The following ZBTB20 variants were observed in gnomAD, a reference collection of about 807,000 sequenced individuals.
The protein encoded by ZBTB20 is zinc finger and BTB domain-containing protein 20.
ZBTB20 carries 9 observed loss-of-function variants against 56.9 expected under a neutral mutation model. The observed-to-expected ratio is 0.16, with a 90% CI of 0.10 to 0.28. The LOEUF (loss-of-function observed/expected upper bound fraction) is 0.28. Among genes scored for constraint, ZBTB20 ranks in the 10% least tolerant of loss-of-function variants. The pLI is 1.00. For synonymous variants in ZBTB20, 417 were observed against 420.7 expected (o/e 0.99, Z 0.11); for missense variants, 655 against 1,003.0 (o/e 0.65, Z 4.69).
intron 2 of ZBTB20, among the ~76,000 whole-genome samples, chr3:115,001,597 T>A (rs1265566911): frequency 2.0e-5 from 3 of 151,090 alleles, no homozygotes; most frequent in African/African-American, 7.3e-5. Context: ...TCTCAATATA[T>A]TACCAATTAA....
intron 1 of ZBTB20, among the ~76,000 whole-genome samples, chr3:115,078,595 A>ATTTG: frequency 7.7e-6 from 1 of 130,610 alleles, no homozygotes; most frequent in South Asian, 2.7e-4. Context: ...CAGTAAGAAT[A>ATTTG]TGTGTGTGTG....
At chr3:114,647,628 T>C (rs185237539) in intron 6 of ZBTB20, among the ~76,000 whole-genome samples, 117 of 152,318 alleles carry the variant, frequency 7.7e-4, no homozygotes, top group Middle Eastern at 3.4e-3. Flanking sequence ...TTGAATACAT[T>C]AGCCAACCTC....
At chr3:114,557,976 C>T (rs547352143) in intron 6 of ZBTB20, among the ~76,000 whole-genome samples, 63 of 152,174 alleles carry the variant, frequency 4.1e-4, no homozygotes, top group Admixed American at 1.9e-3. Flanking sequence ...TGGTGACTCA[C>T]TACAGCCCTA....
intron 6 of ZBTB20, among the ~76,000 whole-genome samples, chr3:114,597,043 A>AT (rs1553762645): frequency 5.7e-4 from 84 of 148,260 alleles, no homozygotes; most frequent in South Asian, 4.4e-3. Flanking sequence ...AAATTAAAAA[A>AT]ATATATATAT....
chr3:114,800,188 C>T (rs1030483079), intron 5 of ZBTB20, among the ~76,000 whole-genome samples: 2 of 151,900 alleles, frequency 1.3e-5, no homozygotes, highest in African/African-American at 4.8e-5. Flanking sequence ...ACATTTTGAT[C>T]TAAAATTAAA....
At chr3:114,353,147 C>T (rs1425794839) in intron 10 of ZBTB20, among the ~76,000 whole-genome samples, 1 of 152,184 alleles carries the variant, frequency 6.6e-6, no homozygotes, top group Non-Finnish European at 1.5e-5. Context: ...CCATTCTTGC[C>T]TTTACAACTG....
chr3:114,996,558 T>C (rs1483572699), intron 2 of ZBTB20, among the ~76,000 whole-genome samples: 1 of 152,060 alleles, frequency 6.6e-6, no homozygotes, highest in African/African-American at 2.4e-5. Context: ...TATGGCTGCA[T>C]AGTATTCCAT....
intron 10 of ZBTB20, among the ~76,000 whole-genome samples, chr3:114,375,434 CATCTT>C (rs2108486168): frequency 6.6e-6 from 1 of 152,334 alleles, no homozygotes; most frequent in Non-Finnish European, 1.5e-5. Context: ...GCAAAGCCCT[CATCTT>C]ACCTGATTCC....
intron 5 of ZBTB20, among the ~76,000 whole-genome samples, chr3:114,741,037 C>T (rs75325849): frequency 0.082 from 12,547 of 152,268 alleles, 535 homozygotes; most frequent in Middle Eastern, 0.14. Context: ...GACTCCTTGG[C>T]TTCCTTCTGT....
chr3:114,722,482 T>A (rs564408211), intron 5 of ZBTB20, among the ~76,000 whole-genome samples: 1 of 152,330 alleles, frequency 6.6e-6, no homozygotes, highest in South Asian at 2.1e-4. Context: ...TAAATTATTT[T>A]GAAAGTAAAA....
intron 7 of ZBTB20, among the ~76,000 whole-genome samples, chr3:114,395,122 A>G (rs1175407879): frequency 6.6e-6 from 1 of 152,152 alleles, no homozygotes; most frequent in African/African-American, 2.4e-5. Context: ...AAATTGTTCC[A>G]CTTCCCTCGT....
In ZBTB20 at chr3:114,961,877, A is replaced by G. The variant is rs566316311; in HGVS notation, c.-456+12489T>C. 3.9e-5 allele frequency among the ~76,000 whole-genome samples: 6 copies of G among 152,268 alleles called. No individual in the cohort carries two copies. The South Asian group carries it at 1.2e-3, about 32-fold the overall frequency. On this transcript the variant is annotated intron_variant, in intron 3 of 11. Coordinates refer to ENST00000675478, the MANE Select transcript of ZBTB20 (RefSeq NM_001348800.3). ...AGAATGCTATTGTTATGGTTATTTC[A>G]TAATGTCACGATTGTTACAAGAACA...
chr3:114,707,637 GAC>G lies in ZBTB20; in HGVS notation c.-342-14064_-342-14063del, dbSNP rs1346460967. ...TGACCTATGAGTGTCCCCTGGAGGG[GAC>G]ACAGTGGAAGAAGCGGGAACTAGTA... On this transcript the variant is annotated intron_variant, in intron 5 of 11. Coordinates refer to ENST00000675478, the MANE Select transcript of ZBTB20 (RefSeq NM_001348800.3). Among the ~76,000 whole-genome samples, 6 of 152,260 alleles carry G rather than the reference GAC, an allele frequency of 3.9e-5. No homozygotes were observed. In the East Asian group the frequency reaches 1.2e-3, roughly 29 times the overall value.
At chr3:114,736,166 C>T (rs1443349670) in intron 5 of ZBTB20, among the ~76,000 whole-genome samples, 1 of 152,176 alleles carries the variant, frequency 6.6e-6, no homozygotes. Flanking sequence ...TTAAACTAAA[C>T]TTCAGTTTTC....
At chr3:114,394,470 C>A (rs1044369019) in intron 7 of ZBTB20, among the ~76,000 whole-genome samples, 2 of 152,192 alleles carry the variant, frequency 1.3e-5, no homozygotes, top group African/African-American at 4.8e-5. Context: ...TCTGGGAGCA[C>A]AGACTCCAGG....
At chr3:114,805,197 C>T (rs149472891) in intron 4 of ZBTB20, among the ~76,000 whole-genome samples, 1,754 of 151,970 alleles carry the variant, frequency 0.012, 16 homozygotes, top group South Asian at 0.041. Flanking sequence ...TTAATATTGA[C>T]ACAATACTAT....
chr3:114,364,024 C>T (rs1290557331), intron 10 of ZBTB20, among the ~76,000 whole-genome samples: 1 of 151,682 alleles, frequency 6.6e-6, no homozygotes, highest in East Asian at 1.9e-4. Flanking sequence ...TCATGCCTAG[C>T]CAATTAGCTA....
At position 115,061,012 on chromosome 3, in the gene ZBTB20, G is replaced by A. The variant is rs76853686; in HGVS notation, c.-507+10207C>T. ...TTGTATCCATTATTTTATATCTTCC[G>A]ATTCTCCAAATATGATCATTTCTGG... On this transcript the variant is annotated intron_variant, in intron 2 of 11. Coordinates refer to ENST00000675478, the MANE Select transcript of ZBTB20 (RefSeq NM_001348800.3). 7.7e-3 allele frequency among the ~76,000 whole-genome samples: 1,170 copies of A among 151,808 alleles called. 18 individuals are homozygous for A. Among genetic ancestry groups the A allele is most frequent in the African/African-American group, 0.026 (1,078 of 41,386 alleles).
At chr3:115,004,420 A>AT (rs976173330) in intron 2 of ZBTB20, among the ~76,000 whole-genome samples, 8 of 151,314 alleles carry the variant, frequency 5.3e-5, no homozygotes, top group East Asian at 3.9e-4. Context: ...AAAACAAAAT[A>AT]TTTTTTTTTC....
Sources: gnomAD v4.1 joint callset for allele counts (sites outside exome capture counted in the v4.1 genomes callset) on GRCh38, gnomAD v4.1.1 for gene constraint, MANE v1.5 for transcripts, NCBI Gene and HGNC (gene_info 2026-07-23, HGNC 2026-07-21) for gene names.